Variants in MAP3K9 observed in about 807,000 individuals in gnomAD.
MAP3K9 encodes the protein mitogen-activated protein kinase kinase kinase 9.
MAP3K9 carries 46 observed loss-of-function variants against 95.8 expected under a neutral mutation model. That is an observed-to-expected ratio of 0.48 (90% CI 0.38 to 0.61). The LOEUF (loss-of-function observed/expected upper bound fraction) is 0.61, where lower values mean the gene tolerates loss of function less well. MAP3K9 is among the 20% of genes least tolerant of loss of function. MAP3K9 has a pLI of 0.00. For missense variants in MAP3K9, 1,296 were observed against 1,474.3 expected, an observed-to-expected ratio of 0.88 and a Z score of 1.98; for synonymous variants, 533 against 593.8, an observed-to-expected ratio of 0.90 and a Z score of 1.49.
chr14:70,747,905 G>A (rs947722807), intron 5 of MAP3K9, among the ~76,000 whole-genome samples: 1 of 151,986 alleles, frequency 6.6e-6, no homozygotes, highest in Non-Finnish European at 1.5e-5. Context: ...TCAGGAGATC[G>A]AGAGCATTCT....
At chr14:70,770,881 T>G (rs749869887) in intron 2 of MAP3K9, among the ~76,000 whole-genome samples, 9 of 152,132 alleles carry the variant, frequency 5.9e-5, no homozygotes, top group Non-Finnish European at 1.0e-4. Context: ...TGGTGTGTAC[T>G]CTCCAGTAGT....
At chr14:70,795,138 C>A (rs898231566) in intron 2 of MAP3K9, among the ~76,000 whole-genome samples, 2 of 151,322 alleles carry the variant, frequency 1.3e-5, no homozygotes, top group African/African-American at 4.9e-5. Flanking sequence ...GGACTACAGG[C>A]GCATGCCACC....
rs2053795596 is a variant in MAP3K9 at position 70,724,603 on chromosome 14, C to CA, written c.*5776dup. ...TTGCAATGCAGTATTTTTTAAAAATCAGAGTTATTGAAAAATTCCACGATG... is the reference window on the plus strand; with the variant it reads ...TTGCAATGCAGTATTTTTTAAAAATCAAGAGTTATTGAAAAATTCCACGATG... On this transcript the variant is annotated 3_prime_UTR_variant, in exon 12 of 12. Coordinates refer to ENST00000554752, the MANE Select transcript of MAP3K9 (RefSeq NM_001284230.2). 1 of 151,834 alleles carries CA rather than the reference C, an allele frequency of 6.6e-6. No individual in the cohort carries two copies. The highest frequency in any genetic ancestry group is 1.5e-5 in the Non-Finnish European group (1 of 67,946). 9.4% of individuals were successfully genotyped at this position (151,834 alleles called of 1,614,324 possible).
chr14:70,806,881 A>G (rs550236218), intron 1 of MAP3K9, among the ~76,000 whole-genome samples: 1 of 152,364 alleles, frequency 6.6e-6, no homozygotes, highest in East Asian at 1.9e-4. Flanking sequence ...ATGCCAGGCT[A>G]TTCATATTTC....
Position 70,728,113 on chromosome 14 carries a change from C to CTTTTTTTTTTTT in MAP3K9, c.*2255_*2266dup, listed in dbSNP as rs369135689. 4.8e-5 allele frequency: 3 copies of CTTTTTTTTTTTT among 63,004 alleles called. 1 individual carries two copies. Among genetic ancestry groups the CTTTTTTTTTTTT allele is most frequent in the Non-Finnish European group, 5.9e-5 (2 of 33,676 alleles). The allele number at this position is 63,004 out of a possible 1,614,324, so 3.9% of individuals were successfully genotyped here. A position where few individuals can be genotyped will look rare whatever the true frequency, so the allele number is the denominator to read the frequency against. On this transcript the variant is annotated 3_prime_UTR_variant, in exon 12 of 12. Transcript: ENST00000554752. The stretch of plus-strand genomic sequence containing the variant: ...CGGGGGAAGGAGGCCACAGAACAGA[C>CTTTTTTTTTTTT]TTTTTTTTTTTTTTTTTTTTTTTTT...
rs369135689 is a variant in MAP3K9, at chr14:70,728,113, C to CTTTTTTTTTTTTT, written c.*2254_*2266dup. 1 of 63,004 alleles carries CTTTTTTTTTTTTT rather than the reference C, an allele frequency of 1.6e-5. No individual in the cohort carries two copies. Among genetic ancestry groups the CTTTTTTTTTTTTT allele is most frequent in the African/African-American group, 5.2e-5 (1 of 19,280 alleles). 3.9% of individuals were successfully genotyped at this position (63,004 alleles called of 1,614,324 possible). On this transcript the variant is annotated 3_prime_UTR_variant, in exon 12 of 12. Transcript: ENST00000554752. ...CGGGGGAAGGAGGCCACAGAACAGACTTTTTTTTTTTTTTTTTTTTTTTTT... is the reference window on the plus strand; with the variant it reads ...CGGGGGAAGGAGGCCACAGAACAGACTTTTTTTTTTTTTTTTTTTTTTTTTTTTTTTTTTTTTT...
intron 1 of MAP3K9, among the ~76,000 whole-genome samples, chr14:70,808,169 AG>A (rs774508102): frequency 6.6e-5 from 10 of 152,228 alleles, no homozygotes; most frequent in Non-Finnish European, 1.5e-4. Context: ...AGACTCCTAA[AG>A]GTACAACTTC....
chr14:70,746,666 GA>G (rs1285895826), intron 5 of MAP3K9, among the ~76,000 whole-genome samples: 2 of 152,196 alleles, frequency 1.3e-5, no homozygotes, highest in African/African-American at 4.8e-5. Flanking sequence ...TGACATCATT[GA>G]CACAGACAAT....
rs1036535276 is a variant in MAP3K9 at position 70,809,270 on chromosome 14, C to G, written c.-99G>C. 15 of 1,235,522 alleles carry G rather than the reference C, an allele frequency of 1.2e-5. No individual in the cohort carries two copies. Among genetic ancestry groups the G allele is most frequent in the Admixed American group, 4.2e-5 (1 of 23,614 alleles). 76.5% of individuals were successfully genotyped at this position (1,235,522 alleles called of 1,614,324 possible). ...CCGCAGAGCTGGGAGGACCCCCCCC[C>G]AACGACGGCGGCCGCAGGTAGGGCC... On this transcript the variant is annotated 5_prime_UTR_variant, in exon 1 of 12. Transcript: ENST00000554752.
rs1181883863 is a variant in MAP3K9, at chr14:70,722,703, AAC to A, written c.*7675_*7676del. 1 of 91,652 alleles carries A rather than the reference AAC, an allele frequency of 1.1e-5. No homozygotes were observed. The highest frequency in any genetic ancestry group is 4.3e-4 in the East Asian group (1 of 2,306). The allele number at this position is 91,652 out of a possible 1,614,324, so 5.7% of individuals were successfully genotyped here. ...AAAAAAAAAAAAAGCCAAAGGAAAG[AAC>A]CTGGTAAGTTTCCTTCAGGACTTTT... is the stretch of plus-strand genomic sequence containing the variant. On this transcript the variant is annotated 3_prime_UTR_variant, in exon 12 of 12. Transcript: ENST00000554752.
At chr14:70,736,828 G>C (rs990353118) in intron 8 of MAP3K9, among the ~76,000 whole-genome samples, 1 of 152,138 alleles carries the variant, frequency 6.6e-6, no homozygotes, top group African/African-American at 2.4e-5. Context: ...GAGGTAGTTT[G>C]CCCTACATAT....
At chr14:70,764,437 A>C (rs575519706) in intron 2 of MAP3K9, among the ~76,000 whole-genome samples, 1 of 137,870 alleles carries the variant, frequency 7.3e-6, no homozygotes, top group South Asian at 2.2e-4. Context: ...AACAACAACA[A>C]AAAATGTATG....
At position 70,777,272 on chromosome 14, in the gene MAP3K9, T is replaced by C. The variant is rs371300232; in HGVS notation, c.821-16090A>G. The stretch of plus-strand genomic sequence containing the variant: ...TCACCATCCACTTATCTTTTTTCTT[T>C]TCTAAAATGTGTGCCCTATCCAATG... On this transcript the variant is annotated intron_variant, in intron 2 of 11. Coordinates refer to ENST00000554752, the MANE Select transcript of MAP3K9 (RefSeq NM_001284230.2). Among the ~76,000 whole-genome samples the C allele has an allele frequency of 3.3e-5, 5 of 152,322 alleles. No homozygotes were observed. The East Asian group carries it at 7.7e-4, about 23-fold the overall frequency.
chr14:70,790,604 C>T (rs2054796958), intron 2 of MAP3K9, among the ~76,000 whole-genome samples: 1 of 152,212 alleles, frequency 6.6e-6, no homozygotes, highest in Admixed American at 6.5e-5. Context: ...CTGAGTCTTA[C>T]AATAATAAGA....
intron 2 of MAP3K9, among the ~76,000 whole-genome samples, chr14:70,764,172 G>A (rs576457251): frequency 0.012 from 755 of 60,702 alleles, no homozygotes; most frequent in Middle Eastern, 0.024. Flanking sequence ...CGGCCTGGGC[G>A]ACAGAGCGAG....
chr14:70,804,210 T>C (rs1157613705), intron 1 of MAP3K9, among the ~76,000 whole-genome samples: 2 of 152,210 alleles, frequency 1.3e-5, no homozygotes, highest in African/African-American at 2.4e-5. Context: ...GTTGTTCACA[T>C]AGGTCCAGCT....
chr14:70,755,392 A>G (rs1265929816), intron 3 of MAP3K9, among the ~76,000 whole-genome samples: 4 of 152,230 alleles, frequency 2.6e-5, no homozygotes, highest in African/African-American at 9.6e-5. Context: ...GATTGTCACT[A>G]CACACATATC....
chr14:70,754,633 G>A (rs1304958035), intron 3 of MAP3K9, among the ~76,000 whole-genome samples: 5 of 151,968 alleles, frequency 3.3e-5, no homozygotes, highest in African/African-American at 9.7e-5. Flanking sequence ...CACCATGCCC[G>A]GCTAATTTTT....
rs1377622801 is a variant in MAP3K9 at position 70,727,660 on chromosome 14, CA to C, written c.*2719del. ...TGCCCCACTGAGAGAGTGCAGCAGTCAGGGGCCCATCAGAGACCAGGTGTGT... is the reference window on the plus strand; with the variant it reads ...TGCCCCACTGAGAGAGTGCAGCAGTCGGGGCCCATCAGAGACCAGGTGTGT... On this transcript the variant is annotated 3_prime_UTR_variant, in exon 12 of 12. Transcript: ENST00000554752. 6.6e-6 allele frequency: 1 copy of C among 152,410 alleles called. No individual in the cohort carries two copies. Among genetic ancestry groups the C allele is most frequent in the African/African-American group, 2.4e-5 (1 of 41,464 alleles). The allele number at this position is 152,410 out of a possible 1,614,324, so 9.4% of individuals were successfully genotyped here.
Sources: allele counts gnomAD v4.1 joint callset (sites outside exome capture counted in the v4.1 genomes callset), GRCh38; gene constraint gnomAD v4.1.1; transcripts MANE v1.5; gene names NCBI Gene and HGNC (gene_info 2026-07-23, HGNC 2026-07-21).